The following BANK1 variants were observed in gnomAD, a reference collection of about 807,000 sequenced individuals.
The protein encoded by BANK1 is B cell scaffold protein with ankyrin repeats 1.
A neutral mutation model predicts 94.5 loss-of-function variants in BANK1; 95 were observed. The ratio of observed to expected loss-of-function variants is 1.00; its 90% CI spans 0.85 to 1.19. The LOEUF (loss-of-function observed/expected upper bound fraction) is 1.19, where lower values mean the gene tolerates loss of function less well. Among genes scored for constraint, BANK1 ranks in the 50% most tolerant of loss-of-function variants. BANK1 has a pLI of 0.00. For missense variants in BANK1, 987 were observed against 932.2 expected, an observed-to-expected ratio of 1.06 and a Z score of -0.77; for synonymous variants, 334 against 308.4, an observed-to-expected ratio of 1.08 and a Z score of -0.87.
chr4:101,933,954 G>A (rs1723442780), intron 7 of BANK1, among the ~76,000 whole-genome samples: 1 of 151,274 alleles, frequency 6.6e-6, no homozygotes, highest in Non-Finnish European at 1.5e-5. Context: ...CATCCATTTG[G>A]TTTGCTGCCA....
chr4:102,007,391 G>A (rs927974397), intron 7 of BANK1, among the ~76,000 whole-genome samples: 22 of 151,112 alleles, frequency 1.5e-4, no homozygotes, highest in Non-Finnish European at 1.0e-4. Context: ...CTGGGTATTA[G>A]GTTCAAGAGA....
At chr4:101,797,107 A>T (rs555587550) in intron 1 of BANK1, among the ~76,000 whole-genome samples, 1 of 152,282 alleles carries the variant, frequency 6.6e-6, no homozygotes, top group East Asian at 1.9e-4. Context: ...TAGTATCTCC[A>T]TTAAGTTATA....
chr4:101,884,718 A>G (rs1728786341), intron 5 of BANK1, among the ~76,000 whole-genome samples: 1 of 152,208 alleles, frequency 6.6e-6, no homozygotes, highest in African/African-American at 2.4e-5. Flanking sequence ...ATACTAATAC[A>G]TATCAATGTT....
intron 5 of BANK1, among the ~76,000 whole-genome samples, chr4:101,892,540 T>C (rs919453539): frequency 1.4e-4 from 21 of 151,416 alleles, no homozygotes; most frequent in Non-Finnish European, 2.7e-4. Flanking sequence ...TATATATATA[T>C]GTATATATTA....
intron 7 of BANK1, among the ~76,000 whole-genome samples, chr4:101,987,171 A>C (rs538203734): frequency 4.3e-4 from 66 of 151,780 alleles, no homozygotes; most frequent in African/African-American, 1.6e-3. Context: ...ATTGGTCCTC[A>C]ATCCTTCACT....
chr4:101,961,281 A>G (rs1724560802), intron 7 of BANK1, among the ~76,000 whole-genome samples: 1 of 152,192 alleles, frequency 6.6e-6, no homozygotes, highest in Non-Finnish European at 1.5e-5. Context: ...TGACAGTGAC[A>G]TCATTCTTGT....
chr4:102,007,092 A>AATATATAT (rs1726301442), intron 7 of BANK1, among the ~76,000 whole-genome samples: 2 of 82,298 alleles, frequency 2.4e-5, no homozygotes, highest in African/African-American at 8.4e-5. Flanking sequence ...ATATATATAT[A>AATATATAT]ATATATTTAT....
intron 7 of BANK1, among the ~76,000 whole-genome samples, chr4:101,995,603 A>G (rs1725852058): frequency 6.6e-6 from 1 of 152,114 alleles, no homozygotes; most frequent in African/African-American, 2.4e-5. Context: ...CCTCTCCAGC[A>G]TCGTTGTTTC....
At chr4:102,029,860 T>G in intron 9 of BANK1, 100 bp from the exon 10 acceptor site, 1 of 1,166,196 alleles carries the variant, frequency 8.6e-7, no homozygotes, top group Admixed American at 2.3e-5. Context: ...CTACGGCACT[T>G]GACTAAGCCA....
chr4:101,828,743 T>C (rs560307233), intron 1 of BANK1, among the ~76,000 whole-genome samples: 7 of 152,308 alleles, frequency 4.6e-5, no homozygotes, highest in Admixed American at 2.6e-4. Flanking sequence ...GAAAATGCTC[T>C]AAAGAAATCA....
At chr4:101,950,635 A>C (rs1724116583) in intron 7 of BANK1, among the ~76,000 whole-genome samples, 1 of 152,184 alleles carries the variant, frequency 6.6e-6, no homozygotes, top group Non-Finnish European at 1.5e-5. Context: ...AGTTTAAAAA[A>C]CGTGAGTTCC....
chr4:101,984,554 G>C (rs545158828), intron 7 of BANK1, among the ~76,000 whole-genome samples: 1 of 152,156 alleles, frequency 6.6e-6, no homozygotes, highest in Admixed American at 6.6e-5. Flanking sequence ...TGAAGTAAAA[G>C]CACTAAGGGA....
chr4:101,937,430 G>A (rs1723605595), intron 7 of BANK1, among the ~76,000 whole-genome samples: 1 of 151,816 alleles, frequency 6.6e-6, no homozygotes, highest in Non-Finnish European at 1.5e-5. Context: ...GTGGACAAAG[G>A]ATATGAACAG....
intron 1 of BANK1, among the ~76,000 whole-genome samples, chr4:101,792,255 T>TCCCCCCCCCCCC (rs771698917): frequency 3.5e-4 from 45 of 128,742 alleles, no homozygotes; most frequent in Non-Finnish European, 5.2e-4. Context: ...TGCATTCCGC[T>TCCCCCCCCCCCC]CCCCCCCCGC....
intron 2 of BANK1, among the ~76,000 whole-genome samples, chr4:101,830,665 A>G (rs1044558519): frequency 6.6e-6 from 1 of 152,188 alleles, no homozygotes; most frequent in African/African-American, 2.4e-5. Context: ...AAAAGAAAAT[A>G]CCAGGTCCCA....
chr4:101,984,970 T>G lies in BANK1; in HGVS notation c.1207-36544T>G, dbSNP rs550784905. Among the ~76,000 whole-genome samples, 9 of 152,214 alleles carry G rather than the reference T, an allele frequency of 5.9e-5. No homozygotes were observed. In the East Asian group the frequency reaches 1.5e-3, roughly 26 times the overall value. On this transcript the variant is annotated intron_variant, in intron 7 of 16. Transcript: ENST00000322953. ...TATTTAACCATGTATACAATCTGTA[T>G]TAGATTAGGTTCTCCAGAGAACAGA...
intron 1 of BANK1, among the ~76,000 whole-genome samples, chr4:101,825,998 G>A (rs914078239): frequency 1.3e-5 from 2 of 151,984 alleles, no homozygotes; most frequent in African/African-American, 2.4e-5. Flanking sequence ...TAACGTGGGA[G>A]TATTTATTCT....
At chr4:101,800,897 A>G (rs1295174233) in intron 1 of BANK1, among the ~76,000 whole-genome samples, 3 of 152,180 alleles carry the variant, frequency 2.0e-5, no homozygotes, top group Non-Finnish European at 1.5e-5. Context: ...AGCTGGGATT[A>G]CAGGCGGCTG....
intron 1 of BANK1, among the ~76,000 whole-genome samples, chr4:101,809,164 T>C (rs1479672074): frequency 1.3e-5 from 2 of 152,160 alleles, no homozygotes; most frequent in Admixed American, 1.3e-4. Context: ...TACTGCTTGC[T>C]CATAAAACAG....
Sources: allele counts gnomAD v4.1 joint callset (sites outside exome capture counted in the v4.1 genomes callset), GRCh38; gene constraint gnomAD v4.1.1; transcripts MANE v1.5; gene names NCBI Gene and HGNC (gene_info 2026-07-23, HGNC 2026-07-21).